Variants in PHF24 observed in about 807,000 individuals in gnomAD.
PHF24 encodes PHD finger protein 24, also known as Galpha inhibitory interacting protein.
A neutral mutation model predicts 42.6 loss-of-function variants in PHF24; 25 were observed. That is an observed-to-expected ratio of 0.59 (90% CI 0.43 to 0.82). PHF24 has a LOEUF of 0.82. PHF24 is among the 40% of genes least tolerant of loss of function. The probability of loss-of-function intolerance (pLI) is 0.00; values close to 1 mark genes in which losing one functional copy is unlikely to be tolerated. For missense variants in PHF24, 470 were observed against 538.1 expected (o/e 0.87, Z 1.25); for synonymous variants, 185 against 204.8 (o/e 0.90, Z 0.83).
rs545638851 is a variant in PHF24, at chr9:34,973,529, C to T, written c.564+998C>T. On this transcript the variant is annotated intron_variant, in intron 3 of 7. Coordinates refer to ENST00000242315, the Ensembl canonical transcript of PHF24. ...ACACCTGAATAGAGTTCAAGTCTTG[C>T]CTTATTGATCTGTTGTCCTGCAGAT... Among the ~76,000 whole-genome samples, 326 of 152,252 alleles carry T rather than the reference C, an allele frequency of 2.1e-3. 3 individuals carry two copies. The highest frequency in any genetic ancestry group is 0.02 in the Middle Eastern group (6 of 294).
the PHF24 span, among the ~76,000 whole-genome samples, chr9:34,712,842 A>G: frequency 6.6e-6 from 1 of 152,158 alleles, no homozygotes; most frequent in Non-Finnish European, 1.5e-5. Context: ...CTTATCATCA[A>G]ACCTCCCATC....
chr9:34,882,566 G>A, the PHF24 span, among the ~76,000 whole-genome samples: 3 of 151,884 alleles, frequency 2.0e-5, no homozygotes, highest in African/African-American at 7.3e-5. Flanking sequence ...CTGTACACCA[G>A]TAACAGACAA....
the PHF24 span, among the ~76,000 whole-genome samples, chr9:34,874,277 T>G: frequency 6.6e-6 from 1 of 152,192 alleles, no homozygotes; most frequent in East Asian, 1.9e-4. Flanking sequence ...TTGTGCCGGT[T>G]TTCAAAGGGA....
chr9:34,700,941 A>G, the PHF24 span, among the ~76,000 whole-genome samples: 3 of 152,288 alleles, frequency 2.0e-5, no homozygotes, highest in South Asian at 2.1e-4. Context: ...AGATAATCCA[A>G]TGGGGGTGGG....
At chr9:34,687,202 C>T in the PHF24 span, among the ~76,000 whole-genome samples, 1 of 152,264 alleles carries the variant, frequency 6.6e-6, no homozygotes, top group South Asian at 2.1e-4. Context: ...TCCCAGGCTT[C>T]CAGGGTCAAT....
chr9:34,689,688 G>C, the PHF24 span: 1 of 1,039,272 alleles, frequency 9.6e-7, no homozygotes, highest in Non-Finnish European at 1.5e-6. The surrounding 1 kb of genome is among the most constrained non-coding windows in gnomAD (Gnocchi z 4.1). Context: ...CCCAGGCCCT[G>C]TCCTGGCTGG....
chr9:34,918,104 C>A, the PHF24 span: 1 of 1,544,924 alleles, frequency 6.5e-7, no homozygotes, highest in Non-Finnish European at 8.9e-7. Flanking sequence ...CCAACATCAA[C>A]AACTTTTCTG....
At chr9:34,727,699 C>A in the PHF24 span, among the ~76,000 whole-genome samples, 1 of 152,198 alleles carries the variant, frequency 6.6e-6, no homozygotes, top group Non-Finnish European at 1.5e-5. Flanking sequence ...CTTCTTTATT[C>A]AAAACCCATT....
chr9:34,863,928 A>G, the PHF24 span, among the ~76,000 whole-genome samples: 1 of 152,252 alleles, frequency 6.6e-6, no homozygotes, highest in Admixed American at 6.5e-5. Flanking sequence ...GAATTCTACA[A>G]GAGAAATTTA....
At chr9:34,905,324 A>G in the PHF24 span, among the ~76,000 whole-genome samples, 3,057 of 152,258 alleles carry the variant, frequency 0.02, 116 homozygotes, top group African/African-American at 0.07. Flanking sequence ...TTTCTCATCT[A>G]AGCCGCCTTC....
At chr9:34,724,576 C>T in the PHF24 span, 2 of 1,541,278 alleles carry the variant, frequency 1.3e-6, no homozygotes, top group African/African-American at 1.4e-5. Context: ...TTAGTTTGGT[C>T]AAGATATGTG....
the PHF24 span, among the ~76,000 whole-genome samples, chr9:34,745,483 GAGGT>G: frequency 1.3e-5 from 2 of 152,126 alleles, no homozygotes; most frequent in South Asian, 2.1e-4. Context: ...TTTACAATAA[GAGGT>G]AGGTAGGTAA....
chr9:34,833,897 G>C, the PHF24 span: 1 of 1,541,410 alleles, frequency 6.5e-7, no homozygotes, highest in Non-Finnish European at 8.8e-7. Flanking sequence ...AGTGACTGCC[G>C]GGGCCAGGGC....
the PHF24 span, among the ~76,000 whole-genome samples, chr9:34,883,250 C>G: frequency 1.3e-5 from 2 of 152,238 alleles, no homozygotes; most frequent in East Asian, 3.9e-4. Flanking sequence ...AGACCTAAAA[C>G]CATAAAAACC....
At chr9:34,956,487 G>A (rs1466901662), upstream of PHF24, among the ~76,000 whole-genome samples, 1 of 152,120 alleles carries the variant, frequency 6.6e-6, no homozygotes, top group Non-Finnish European at 1.5e-5. Flanking sequence ...CTCGACCTCA[G>A]GTGACTCACC....
At chr9:34,851,215 A>T in the PHF24 span, among the ~76,000 whole-genome samples, 1 of 152,174 alleles carries the variant, frequency 6.6e-6, no homozygotes, top group African/African-American at 2.4e-5. Flanking sequence ...TGGTGCCTGC[A>T]GAGGCATGCA....
At chr9:34,714,910 T>C in the PHF24 span, among the ~76,000 whole-genome samples, 6 of 152,258 alleles carry the variant, frequency 3.9e-5, no homozygotes, top group South Asian at 1.2e-3. Flanking sequence ...TGTCAGATGG[T>C]GTGCACAACC....
chr9:34,833,922 C>T, the PHF24 span: 14,022 of 1,541,020 alleles, frequency 9.1e-3, 82 homozygotes, highest in Middle Eastern at 0.026. Context: ...GGGAGCGCCA[C>T]ATAATACAGA....
chr9:34,723,185 T>G, the PHF24 span: 11 of 1,522,730 alleles, frequency 7.2e-6, no homozygotes, highest in South Asian at 1.4e-4. Flanking sequence ...GCTCTGCATG[T>G]TCTCCTTGAG....
Sources: allele counts gnomAD v4.1 joint callset (sites outside exome capture counted in the v4.1 genomes callset), GRCh38; gene constraint gnomAD v4.1.1; non-coding constraint Gnocchi (gnomAD v3.1); transcripts MANE v1.5; gene names NCBI Gene and HGNC (gene_info 2026-07-23, HGNC 2026-07-21).